CAMK2A: variants seen among roughly 807,000 people sequenced by gnomAD.
The protein encoded by CAMK2A is calcium/calmodulin dependent protein kinase II alpha, also known as calcium/calmodulin-dependent protein kinase type II subunit alpha.
In CAMK2A, 7 loss-of-function variants were observed where a neutral mutation model predicts 79.2. That is an observed-to-expected ratio of 0.09 (90% confidence interval 0.05 to 0.17). The LOEUF (loss-of-function observed/expected upper bound fraction) is 0.17. CAMK2A is among the 10% of genes least tolerant of loss of function. The pLI, the probability that CAMK2A is intolerant of heterozygous loss-of-function variation, is 1.00. For missense variants in CAMK2A, 214 were observed against 646.4 expected (o/e 0.33, Z 7.25); for synonymous variants, 242 against 251.7 (o/e 0.96, Z 0.36).
Position 150,222,439 on chromosome 5 carries a change from G to C in CAMK2A, c.*271C>G. 1.4e-6 allele frequency: 1 copy of C among 694,372 alleles called. No individual in the cohort carries two copies. The highest frequency in any genetic ancestry group is 2.0e-5 in the Admixed American group (1 of 49,810). 43.0% of individuals were successfully genotyped at this position (694,372 alleles called of 1,614,324 possible). Reference sequence around the variant, plus strand: ...CAGCAGCTGAGGCTGGGGAGAGGGGGCCAGTGCTGTGGACACCCATGCCTG... The same window carrying C: ...CAGCAGCTGAGGCTGGGGAGAGGGGCCCAGTGCTGTGGACACCCATGCCTG... On this transcript the variant is annotated 3_prime_UTR_variant, in exon 19 of 19. Transcript: ENST00000671881.
Position 150,222,475 on chromosome 5 carries a change from A to C in CAMK2A, c.*235T>G. 2 of 703,276 alleles carry C rather than the reference A, an allele frequency of 2.8e-6. No individual in the cohort carries two copies. Among genetic ancestry groups the C allele is most frequent in the South Asian group, 3.0e-5 (2 of 67,486 alleles). 43.6% of individuals were successfully genotyped at this position (703,276 alleles called of 1,614,324 possible). ...GGACACCCATGCCTGAGGAAGCCCC[A>C]GCCTGGCAGGGGAGAGGGTGGGGGT... On this transcript the variant is annotated 3_prime_UTR_variant, in exon 19 of 19. Coordinates refer to ENST00000671881, the MANE Select transcript of CAMK2A (RefSeq NM_015981.4).
intron 1 of CAMK2A, among the ~76,000 whole-genome samples, chr5:150,275,994 T>TC (rs1256542527): frequency 6.6e-6 from 1 of 152,058 alleles, no homozygotes; most frequent in Non-Finnish European, 1.5e-5. Context: ...TGTGACCAGC[T>TC]CCCATACAGG....
At position 150,219,615 on chromosome 5, in the gene CAMK2A, A is replaced by G. The variant is rs1472267045; in HGVS notation, c.*3095T>C. 3 of 105,726 alleles carry G rather than the reference A, an allele frequency of 2.8e-5. No individual in the cohort carries two copies. Among genetic ancestry groups the G allele is most frequent in the Non-Finnish European group, 5.6e-5 (3 of 53,302 alleles). The allele number at this position is 105,726 out of a possible 1,614,324, so 6.5% of individuals were successfully genotyped here. A position where few individuals can be genotyped will look rare whatever the true frequency, so the allele number is the denominator to read the frequency against. On this transcript the variant is annotated 3_prime_UTR_variant, in exon 19 of 19. Coordinates refer to ENST00000671881, the MANE Select transcript of CAMK2A (RefSeq NM_015981.4). ...TTGAGCAGTGTTCATTCAAGTTCAC[A>G]GCCACATATTTTTAAAAAAGAAAAG...
chr5:150,226,230 C>A (rs935233394), intron 17 of CAMK2A, among the ~76,000 whole-genome samples: 2 of 152,102 alleles, frequency 1.3e-5, no homozygotes, highest in Non-Finnish European at 2.9e-5. Flanking sequence ...TGTGCAGATA[C>A]AGCAGGTGCT....
intron 3 of CAMK2A, among the ~76,000 whole-genome samples, chr5:150,264,061 G>A (rs1580936593): frequency 6.6e-6 from 1 of 152,226 alleles, no homozygotes; most frequent in Non-Finnish European, 1.5e-5. Context: ...GGCTGTCAGA[G>A]TTGGAAGAGT....
intron 1 of CAMK2A, among the ~76,000 whole-genome samples, chr5:150,276,479 G>A (rs1296712105): frequency 6.6e-6 from 1 of 152,152 alleles, no homozygotes; most frequent in Admixed American, 6.5e-5. Context: ...TTAGGAATAG[G>A]AACAGTCATC....
chr5:150,251,900 G>C (rs1166485779), intron 8 of CAMK2A, 56 bp from the exon 9 acceptor site: 1 of 1,533,174 alleles, frequency 6.5e-7, no homozygotes, highest in African/African-American at 1.4e-5. Context: ...CATGGGGGGA[G>C]GGGAGTGATG....
rs186442276 is a variant in CAMK2A, at chr5:150,267,599, C to T, written c.158-2584G>A. 1.4e-4 allele frequency among the ~76,000 whole-genome samples: 22 copies of T among 152,286 alleles called. 1 individual carries two copies. Among genetic ancestry groups the T allele is most frequent in the African/African-American group, 4.6e-4 (19 of 41,550 alleles). ...ATTTTCACTGTTGAAAGCATTCATC[C>T]TACTGAGTGTAAACATATACATTAT... is the stretch of plus-strand genomic sequence containing the variant. On this transcript the variant is annotated intron_variant, in intron 2 of 18. Coordinates refer to ENST00000671881, the MANE Select transcript of CAMK2A (RefSeq NM_015981.4).
chr5:150,225,100 G>A (rs1382651227), intron 17 of CAMK2A, among the ~76,000 whole-genome samples: 6 of 147,960 alleles, frequency 4.1e-5, no homozygotes, highest in Admixed American at 2.0e-4. Flanking sequence ...GAGAGACAAT[G>A]GATAGATAAA....
At chr5:150,236,992 C>T (rs58022408) in intron 15 of CAMK2A, among the ~76,000 whole-genome samples, 3,364 of 152,206 alleles carry the variant, frequency 0.022, 139 homozygotes, top group African/African-American at 0.075. Flanking sequence ...TGGCCTCAAG[C>T]GATCCTCCTG....
chr5:150,222,847 C>A lies in CAMK2A; in HGVS notation c.1467-134G>T. ...CCAGCTCTTCCCCCAGACCTGCAGG[C>A]CTGGCCCCCTTCTTGGGGTCTCCCC... On this transcript the variant is annotated intron_variant, in intron 18 of 18. Transcript: ENST00000671881. 9 of 1,370,368 alleles carry A rather than the reference C, an allele frequency of 6.6e-6. No homozygotes were observed. The South Asian group carries it at 1.1e-4, about 16-fold the overall frequency. The allele number at this position is 1,370,368 out of a possible 1,614,324, so 84.9% of individuals were successfully genotyped here.
At chr5:150,244,285 C>T (rs149421119) in intron 13 of CAMK2A, among the ~76,000 whole-genome samples, 9 of 152,320 alleles carry the variant, frequency 5.9e-5, no homozygotes, top group Admixed American at 1.3e-4. Context: ...CAGACCAAAA[C>T]CAGCGGCCAG....
At chr5:150,283,590 C>A (rs1757302838) in intron 1 of CAMK2A, among the ~76,000 whole-genome samples, 1 of 152,220 alleles carries the variant, frequency 6.6e-6, no homozygotes, top group African/African-American at 2.4e-5. Context: ...GTCACCGCCT[C>A]AGGGAACTTT....
chr5:150,285,094 T>C (rs1757369947), intron 1 of CAMK2A, among the ~76,000 whole-genome samples: 1 of 152,186 alleles, frequency 6.6e-6, no homozygotes, highest in Non-Finnish European at 1.5e-5. Context: ...CCTGCCCACA[T>C]GGCCACTGCT....
chr5:150,223,175 T>C lies in CAMK2A; in HGVS notation c.1280A>G (p.Asn427Ser). The C allele has an allele frequency of 1.2e-6, 2 of 1,613,906 alleles. No homozygotes were observed. The highest frequency in any genetic ancestry group is 1.7e-6 in the Non-Finnish European group (2 of 1,180,022). The change falls in exon 18 of 19, where the codon AAT becomes AGT. Residue 427 changes from asparagine (N) to serine (S), a missense_variant. This residue lies in a region of CAMK2A where 123 missense variants were observed against 242.4 expected (regional missense o/e 0.51). Transcript: ENST00000671881. This position sits in a 1 kb window ranked among gnomAD's most constrained non-coding sequence, Gnocchi z 4.1. The part of the protein sequence containing the change: ...NSKPVHTTIL[N>S]PHIHLMGDES... ...GTCGCCCATCAGGTGGATGTGGGGA[T>C]TCAGGATGGTGGTGTGCACGGGCTT...
chr5:150,228,607 G>A (rs1562134782), intron 16 of CAMK2A, among the ~76,000 whole-genome samples: 1 of 152,166 alleles, frequency 6.6e-6, no homozygotes, highest in South Asian at 2.1e-4. Flanking sequence ...TGCTGGTGGG[G>A]AGGAAATTCA....
At chr5:150,253,765 G>C (rs1487144196) in intron 6 of CAMK2A, among the ~76,000 whole-genome samples, 1 of 152,172 alleles carries the variant, frequency 6.6e-6, no homozygotes, top group African/African-American at 2.4e-5. Flanking sequence ...CAACAGAAAG[G>C]CCCTTTCTCC....
intron 1 of CAMK2A, among the ~76,000 whole-genome samples, chr5:150,274,984 A>G (rs986830477): frequency 2.0e-5 from 3 of 152,284 alleles, no homozygotes. Flanking sequence ...AGAAGCCTGC[A>G]GGCTAGCACA....
At chr5:150,233,095 C>A (rs1490723460) in intron 15 of CAMK2A, among the ~76,000 whole-genome samples, 1 of 152,232 alleles carries the variant, frequency 6.6e-6, no homozygotes, top group Non-Finnish European at 1.5e-5. Context: ...CTGTGACATC[C>A]CTTGCTCACT....
Sources: allele counts gnomAD v4.1 joint callset (sites outside exome capture counted in the v4.1 genomes callset), GRCh38; gene constraint gnomAD v4.1.1; regional missense constraint gnomAD v4.1.1; non-coding constraint Gnocchi (gnomAD v3.1); transcripts MANE v1.5; gene names NCBI Gene and HGNC (gene_info 2026-07-23, HGNC 2026-07-21).